Variants in UBE2J2 observed in about 807,000 individuals in gnomAD.
The protein encoded by UBE2J2 is ubiquitin conjugating enzyme E2 J2.
In UBE2J2, 5 loss-of-function variants were observed where a neutral mutation model predicts 28.6. The observed-to-expected ratio is 0.17, with a 90% CI of 0.09 to 0.37. The LOEUF (loss-of-function observed/expected upper bound fraction) is 0.37. UBE2J2 is among the 10% of genes least tolerant of loss of function. The pLI is 1.00. For synonymous variants in UBE2J2, 138 were observed against 139.7 expected, an observed-to-expected ratio of 0.99 and a Z score of 0.09; for missense variants, 226 against 338.9, an observed-to-expected ratio of 0.67 and a Z score of 2.62.
intron 1 of UBE2J2, chr1:1,273,292 G>A (rs536902054): frequency 6.6e-6 from 1 of 152,270 alleles, no homozygotes; most frequent in Non-Finnish European, 1.5e-5. Context: ...GGGGCAGTCT[G>A]GAGTCTAACA....
intron 1 of UBE2J2, chr1:1,273,427 G>A (rs970460437): frequency 6.6e-6 from 1 of 152,158 alleles, no homozygotes; most frequent in Non-Finnish European, 1.5e-5. Flanking sequence ...CCAGCTGACG[G>A]GAAACCCGGC....
intron 1 of UBE2J2, among the ~76,000 whole-genome samples, chr1:1,271,102 C>T (rs983393025): frequency 1.3e-5 from 2 of 152,276 alleles, no homozygotes; most frequent in Non-Finnish European, 2.9e-5. Context: ...CAACGCAGGG[C>T]CCTTCTGGGC....
At chr1:1,266,509 G>C (rs1052140030) in intron 2 of UBE2J2, among the ~76,000 whole-genome samples, 1 of 151,970 alleles carries the variant, frequency 6.6e-6, no homozygotes, top group Admixed American at 6.6e-5. Context: ...CTGGGCGACA[G>C]AGCAAGACTC....
At chr1:1,272,643 G>GCACCTACCTGCCTGGCT (rs1477977758) in intron 1 of UBE2J2, among the ~76,000 whole-genome samples, 18 of 151,850 alleles carry the variant, frequency 1.2e-4, no homozygotes, top group African/African-American at 4.3e-4. Flanking sequence ...ACTCATCCAC[G>GCACCTACCTGCCTGGCT]CACCTACCTG....
At chr1:1,258,415 C>T (rs1359003284) in intron 3 of UBE2J2, among the ~76,000 whole-genome samples, 2 of 152,154 alleles carry the variant, frequency 1.3e-5, no homozygotes, top group African/African-American at 4.8e-5. Flanking sequence ...TCCAAAGCCC[C>T]ACCCTGGTCT....
chr1:1,267,800 C>T (rs972431956), intron 2 of UBE2J2, 62 bp downstream of exon 2: 1 of 1,593,026 alleles, frequency 6.3e-7, no homozygotes, highest in Non-Finnish European at 8.6e-7. Context: ...CCAGCAGGGG[C>T]CGGCAGAGGC....
At chr1:1,267,349 G>C (rs972580633) in intron 2 of UBE2J2, among the ~76,000 whole-genome samples, 2 of 152,170 alleles carry the variant, frequency 1.3e-5, no homozygotes, top group Non-Finnish European at 2.9e-5. Flanking sequence ...CCTGAGGGTC[G>C]GGGCACCTGG....
chr1:1,256,855 C>T (rs1639207925), intron 5 of UBE2J2, 137 bp downstream of exon 5: 1 of 880,536 alleles, frequency 1.1e-6, no homozygotes, highest in Non-Finnish European at 1.6e-6. Flanking sequence ...CCACTGCACT[C>T]CAGCCTGGAG....
intron 2 of UBE2J2, chr1:1,263,641 G>A (rs559195694): frequency 2.3e-5 from 9 of 389,206 alleles, no homozygotes; most frequent in East Asian, 4.1e-5. Context: ...CCTTTGTTTC[G>A]ACAATATAAC....
intron 1 of UBE2J2, among the ~76,000 whole-genome samples, chr1:1,272,086 G>A (rs888778944): frequency 2.6e-5 from 4 of 151,550 alleles, no homozygotes; most frequent in South Asian, 2.1e-4. Context: ...CTCGGGAGCC[G>A]GAGGCTGTAG....
At position 1,255,487 on chromosome 1, in the gene UBE2J2, C is replaced by T; in HGVS notation, c.496G>A (p.Glu166Lys). The change falls in exon 7 of 7, where the codon GAG becomes AAG. Residue 166 changes from glutamate to lysine, a missense_variant and splice_region_variant. By Grantham distance (56) the Glu-to-Lys change is moderately conservative. Transcript: ENST00000349431. ...TGTGCTTTCTGTTTTTGTTTAATCTCCTAAGAGAAAAACAGCGAGAAAAGC... is the reference window on the plus strand; with the variant it reads ...TGTGCTTTCTGTTTTTGTTTAATCTTCTAAGAGAAAAACAGCGAGAAAAGC... The part of the protein sequence containing the change: ...FCELFPEVVE[E>K]IKQKQKAQDE... The T allele has an allele frequency of 6.2e-7, 1 of 1,603,278 alleles. No individual in the cohort carries two copies. The highest frequency in any genetic ancestry group is 2.2e-5 in the East Asian group (1 of 44,608).
intron 3 of UBE2J2, among the ~76,000 whole-genome samples, chr1:1,261,229 T>C (rs1459750200): frequency 6.6e-6 from 1 of 151,574 alleles, no homozygotes; most frequent in Admixed American, 6.6e-5. Context: ...GAGGGGGAGG[T>C]CCGCGGGGAC....
intron 3 of UBE2J2, among the ~76,000 whole-genome samples, chr1:1,259,449 C>T (rs780008916): frequency 6.6e-6 from 1 of 152,214 alleles, no homozygotes; most frequent in Non-Finnish European, 1.5e-5. Flanking sequence ...CAGCCCTGCC[C>T]CAATGCGAGT....
chr1:1,254,950 A>G lies in UBE2J2; in HGVS notation c.*253T>C. 4.6e-6 allele frequency: 2 copies of G among 430,588 alleles called. No homozygotes were observed. The highest frequency in any genetic ancestry group is 8.2e-6 in the Non-Finnish European group (2 of 243,160). The allele number at this position is 430,588 out of a possible 1,614,324, so 26.7% of individuals were successfully genotyped here. On this transcript the variant is annotated 3_prime_UTR_variant, in exon 7 of 7. Transcript: ENST00000349431. Reference sequence around the variant, plus strand: ...AACAGGTCCAAAGACAACACGGAAGATAAGCTACAAATCCAGCACACAAGG... The same window carrying G: ...AACAGGTCCAAAGACAACACGGAAGGTAAGCTACAAATCCAGCACACAAGG...
intron 3 of UBE2J2, among the ~76,000 whole-genome samples, chr1:1,261,210 T>A (rs1259509610): frequency 6.6e-6 from 1 of 151,872 alleles, no homozygotes; most frequent in African/African-American, 2.4e-5. Context: ...GCAAAAGGCA[T>A]CCCCCAGTGA....
rs968213789 is a variant in UBE2J2 at position 1,254,260 on chromosome 1, C to T, written c.*943G>A. 7.2e-5 allele frequency: 11 copies of T among 152,252 alleles called. No individual in the cohort carries two copies. The highest frequency in any genetic ancestry group is 3.9e-4 in the Admixed American group (6 of 15,292). The allele number at this position is 152,252 out of a possible 1,614,324, so 9.4% of individuals were successfully genotyped here. ...GCCGGGGTGCCCCTCTGCCATGTTC[C>T]GTGGACAGCGAACACCCGGGCCGGA... On this transcript the variant is annotated 3_prime_UTR_variant, in exon 7 of 7. Transcript: ENST00000349431.
chr1:1,260,851 T>C (rs1235032400), intron 3 of UBE2J2, among the ~76,000 whole-genome samples: 2 of 152,254 alleles, frequency 1.3e-5, no homozygotes, highest in Non-Finnish European at 2.9e-5. Flanking sequence ...GTAGCTTGTG[T>C]AGTATAAAAA....
At chr1:1,273,379 G>A (rs542471485) in intron 1 of UBE2J2, 2 of 152,366 alleles carry the variant, frequency 1.3e-5, no homozygotes, top group East Asian at 3.9e-4. Context: ...TGACGAACCA[G>A]GATCGAGGCT....
At chr1:1,256,709 G>A (rs1479248439) in intron 5 of UBE2J2, among the ~76,000 whole-genome samples, 2 of 151,718 alleles carry the variant, frequency 1.3e-5, no homozygotes, top group Non-Finnish European at 2.9e-5. Flanking sequence ...GTGAAACCCC[G>A]TCTCTACTAA....
Sources: allele counts gnomAD v4.1 joint callset (sites outside exome capture counted in the v4.1 genomes callset), GRCh38; gene constraint gnomAD v4.1.1; transcripts MANE v1.5; gene names NCBI Gene and HGNC (gene_info 2026-07-23, HGNC 2026-07-21).